LYRM7: variants seen among roughly 807,000 people sequenced by gnomAD.
The protein encoded by LYRM7 is complex III assembly factor LYRM7.
In LYRM7, 9 loss-of-function variants were observed where a neutral mutation model predicts 15.8. That is an observed-to-expected ratio of 0.57 (90% confidence interval 0.34 to 0.99). The LOEUF is 0.99. LYRM7 is among the 50% of genes least tolerant of loss of function. The probability of loss-of-function intolerance (pLI) is 0.02; values close to 1 mark genes in which losing one functional copy is unlikely to be tolerated. For missense variants in LYRM7, 115 were observed against 119.1 expected, an observed-to-expected ratio of 0.97 and a Z score of 0.16; for synonymous variants, 39 against 39.4, an observed-to-expected ratio of 0.99 and a Z score of 0.04.
At position 131,203,861 on chromosome 5, in the gene LYRM7, G is replaced by A. The variant is rs1304064745; in HGVS notation, c.*4260G>A. The A allele has an allele frequency of 6.6e-6, 1 of 152,286 alleles. No individual in the cohort carries two copies. The highest frequency in any genetic ancestry group is 2.4e-5 in the African/African-American group (1 of 41,428). 9.4% of individuals were successfully genotyped at this position (152,286 alleles called of 1,614,324 possible). A position where few individuals can be genotyped will look rare whatever the true frequency, so the allele number is the denominator to read the frequency against. Reference sequence around the variant, plus strand: ...GTTAATTGATCCTGTGAATCAGTTAGCAAAACATAACTCAATGGAAAGATA... The same window carrying A: ...GTTAATTGATCCTGTGAATCAGTTAACAAAACATAACTCAATGGAAAGATA... On this transcript the variant is annotated 3_prime_UTR_variant, in exon 5 of 5. Coordinates refer to ENST00000379380, the MANE Select transcript of LYRM7 (RefSeq NM_181705.4).
At chr5:131,198,910 A>G (rs1224043837) in intron 4 of LYRM7, among the ~76,000 whole-genome samples, 1 of 152,096 alleles carries the variant, frequency 6.6e-6, no homozygotes, top group Non-Finnish European at 1.5e-5. Context: ...AACTCCAGCA[A>G]GATGTCTTAC....
chr5:131,187,178 A>G, intron 4 of LYRM7, 69 bp downstream of exon 4: 1 of 854,998 alleles, frequency 1.2e-6, no homozygotes, highest in Non-Finnish European at 1.9e-6. Flanking sequence ...ATTATAGCAC[A>G]TGTAATGCTG....
At chr5:131,185,930 T>C (rs1755788953) in intron 3 of LYRM7, among the ~76,000 whole-genome samples, 1 of 152,254 alleles carries the variant, frequency 6.6e-6, no homozygotes, top group African/African-American at 2.4e-5. Context: ...TCAGTTGTTT[T>C]CTTTGAAGTG....
chr5:131,178,039 G>A (rs1755628660), intron 1 of LYRM7, among the ~76,000 whole-genome samples: 2 of 152,112 alleles, frequency 1.3e-5, no homozygotes, highest in African/African-American at 4.8e-5. Context: ...TTTCATTGAT[G>A]TTATTCCATC....
chr5:131,175,304 A>T (rs1265237337), intron 1 of LYRM7, among the ~76,000 whole-genome samples: 1 of 151,350 alleles, frequency 6.6e-6, no homozygotes, highest in Non-Finnish European at 1.5e-5. Flanking sequence ...GGTTCAAGCA[A>T]TTCCCCTGCC....
chr5:131,188,445 G>A (rs1561546663), intron 4 of LYRM7, among the ~76,000 whole-genome samples: 1 of 150,522 alleles, frequency 6.6e-6, no homozygotes, highest in Non-Finnish European at 1.5e-5. Flanking sequence ...CCTTTCTGAT[G>A]GATATGTGGT....
chr5:131,200,841 T>G lies in LYRM7; in HGVS notation c.*1240T>G, dbSNP rs1302871648. 6.6e-6 allele frequency: 1 copy of G among 152,114 alleles called. No individual in the cohort carries two copies. Among genetic ancestry groups the G allele is most frequent in the Non-Finnish European group, 1.5e-5 (1 of 68,036 alleles). 9.4% of individuals were successfully genotyped at this position (152,114 alleles called of 1,614,324 possible). A position where few individuals can be genotyped will look rare whatever the true frequency, so the allele number is the denominator to read the frequency against. ...TTATTTAAATTTAATATATATTCTA[T>G]ATTTTAGTGTTATTGAATATTTTAT... On this transcript the variant is annotated 3_prime_UTR_variant, in exon 5 of 5. Transcript: ENST00000379380.
At chr5:131,184,695 C>A (rs1382243970) in intron 3 of LYRM7, among the ~76,000 whole-genome samples, 2 of 151,546 alleles carry the variant, frequency 1.3e-5, no homozygotes, top group African/African-American at 4.9e-5. Context: ...TTCTCTGGAC[C>A]CGCCTAATCC....
chr5:131,197,331 T>C (rs1245688671), intron 4 of LYRM7, among the ~76,000 whole-genome samples: 1 of 152,172 alleles, frequency 6.6e-6, no homozygotes, highest in Non-Finnish European at 1.5e-5. Flanking sequence ...TACAATTTAT[T>C]CTCTGATGAA....
chr5:131,189,218 C>T (rs1320983212), intron 4 of LYRM7, among the ~76,000 whole-genome samples: 3 of 150,806 alleles, frequency 2.0e-5, no homozygotes, highest in Admixed American at 6.6e-5. Context: ...CCGAGGCGGG[C>T]GGATCACGAG....
rs1756082061 is a variant in LYRM7 at position 131,202,203 on chromosome 5, AG to A, written c.*2603del. On this transcript the variant is annotated 3_prime_UTR_variant, in exon 5 of 5. Transcript: ENST00000379380. ...GTTATTTAATAGTTTAATTAGATAA[AG>A]TAATTCATGGCTGGGTGTGGTGGCT... 6.6e-6 allele frequency: 1 copy of A among 151,992 alleles called. No individual in the cohort carries two copies. The highest frequency in any genetic ancestry group is 1.5e-5 in the Non-Finnish European group (1 of 67,978). 9.4% of individuals were successfully genotyped at this position (151,992 alleles called of 1,614,324 possible). A position where few individuals can be genotyped will look rare whatever the true frequency, so the allele number is the denominator to read the frequency against.
rs1438539956 is a variant in LYRM7, at chr5:131,204,574, C to T, written c.*4973C>T. The T allele has an allele frequency of 6.6e-6, 1 of 151,286 alleles. No homozygotes were observed. The highest frequency in any genetic ancestry group is 1.5e-5 in the Non-Finnish European group (1 of 67,930). 9.4% of individuals were successfully genotyped at this position (151,286 alleles called of 1,614,324 possible). ...CCAAAGTCCAAAACTTTCTGACCCA[C>T]CAACATGACTGATGCTCAAAGGAAA... On this transcript the variant is annotated 3_prime_UTR_variant, in exon 5 of 5. Transcript: ENST00000379380.
chr5:131,204,244 A>G lies in LYRM7; in HGVS notation c.*4643A>G, dbSNP rs1301525912. On this transcript the variant is annotated 3_prime_UTR_variant, in exon 5 of 5. Transcript: ENST00000379380. ...CACCTGACTATAGGGCCTTTTTGAAAGGAAAATTGACATCATCAAAATTTT... is the reference window on the plus strand; with the variant it reads ...CACCTGACTATAGGGCCTTTTTGAAGGGAAAATTGACATCATCAAAATTTT... 2.0e-5 allele frequency: 3 copies of G among 152,026 alleles called. No individual in the cohort carries two copies. Among genetic ancestry groups the G allele is most frequent in the Non-Finnish European group, 4.4e-5 (3 of 68,004 alleles). The allele number at this position is 152,026 out of a possible 1,614,324, so 9.4% of individuals were successfully genotyped here.
chr5:131,197,999 A>AT (rs1755996641), intron 4 of LYRM7, among the ~76,000 whole-genome samples: 1 of 152,058 alleles, frequency 6.6e-6, no homozygotes, highest in Non-Finnish European at 1.5e-5. Flanking sequence ...AAATGCTAAC[A>AT]TTTTACCATA....
At chr5:131,191,749 G>A (rs912384471) in intron 4 of LYRM7, among the ~76,000 whole-genome samples, 1 of 152,054 alleles carries the variant, frequency 6.6e-6, no homozygotes, top group Non-Finnish European at 1.5e-5. Flanking sequence ...AATAACAAAT[G>A]CTGACAAGGA....
intron 3 of LYRM7, among the ~76,000 whole-genome samples, chr5:131,185,470 T>C (rs573334912): frequency 2.6e-5 from 4 of 152,362 alleles, no homozygotes; most frequent in East Asian, 1.9e-4. Flanking sequence ...TTAATTGATA[T>C]TTCCCTGTGA....
rs1755560450 is a variant in LYRM7 at position 131,173,915 on chromosome 5, G to C, written c.18+2877G>C. ...ATTGATCAGATTGGTGGTTGCTAAA[G>C]GTTAAGATGACTGTGACAATTTCTT... On this transcript the variant is annotated intron_variant, in intron 1 of 4. Coordinates refer to ENST00000379380, the MANE Select transcript of LYRM7 (RefSeq NM_181705.4). Among the ~76,000 whole-genome samples the C allele has an allele frequency of 2.6e-5, 4 of 152,316 alleles. No homozygotes were observed. In the South Asian group the frequency reaches 8.3e-4, roughly 32 times the overall value.
At chr5:131,186,458 G>A (rs941851705) in intron 3 of LYRM7, among the ~76,000 whole-genome samples, 9 of 152,134 alleles carry the variant, frequency 5.9e-5, no homozygotes, top group Non-Finnish European at 7.4e-5. Flanking sequence ...AAGCAGTACC[G>A]TAGTCCCCCT....
chr5:131,175,726 G>A (rs756769300), intron 1 of LYRM7, among the ~76,000 whole-genome samples: 1 of 149,446 alleles, frequency 6.7e-6, no homozygotes, highest in Non-Finnish European at 1.5e-5. Context: ...GTAGATACAG[G>A]GTTTGGCCAT....
Sources: gnomAD v4.1 joint callset for allele counts (sites outside exome capture counted in the v4.1 genomes callset) on GRCh38, gnomAD v4.1.1 for gene constraint, MANE v1.5 for transcripts, NCBI Gene and HGNC (gene_info 2026-07-23, HGNC 2026-07-21) for gene names.